The following FANCD2 variants were observed in gnomAD, a reference collection of about 807,000 sequenced individuals.
FANCD2 encodes Fanconi anemia group D2 protein.
In FANCD2, 131 loss-of-function variants were observed where a neutral mutation model predicts 192.3. That is an observed-to-expected ratio of 0.68 (90% confidence interval 0.59 to 0.79). FANCD2 has a LOEUF of 0.79. Ranked by LOEUF, FANCD2 falls within the 30% of genes least tolerant of loss-of-function variation. The probability of loss-of-function intolerance (pLI) is 0.00; values close to 1 mark genes in which losing one functional copy is unlikely to be tolerated. For synonymous variants in FANCD2, 524 were observed against 612.5 expected (o/e 0.86, Z 2.13); for missense variants, 1,508 against 1,701.6 (o/e 0.89, Z 2.00).
chr3:10,076,035 C>CTT (rs138155691), intron 29 of FANCD2, among the ~76,000 whole-genome samples: 5 of 141,682 alleles, frequency 3.5e-5, no homozygotes, highest in Admixed American at 1.4e-4. Context: ...CCAGCCATAT[C>CTT]TTTTTTTTTT....
chr3:10,092,528 C>T (rs976491565), intron 38 of FANCD2, among the ~76,000 whole-genome samples: 1 of 151,416 alleles, frequency 6.6e-6, no homozygotes, highest in African/African-American at 2.4e-5. Context: ...TTCACCTTGC[C>T]TTGGATCCTC....
Position 10,060,293 on chromosome 3 carries a change from G to A in FANCD2, c.1657-1G>A. On this transcript the variant is annotated splice_acceptor_variant, in intron 18 of 43. Transcript: ENST00000675286. LOFTEE classifies it high-confidence loss of function. ...CATCTTTCTTCATCATCTCATTGCA[G>A]GATGACATGCACTTGGTGATAAGAA... is the stretch of plus-strand genomic sequence containing the variant. 4 of 1,602,866 alleles carry A rather than the reference G, an allele frequency of 2.5e-6. No homozygotes were observed. Among genetic ancestry groups the A allele is most frequent in the Non-Finnish European group, 3.4e-6 (4 of 1,171,542 alleles).
chr3:10,090,125 G>A (rs1330141624), intron 36 of FANCD2, among the ~76,000 whole-genome samples, 167 bp from the exon 37 acceptor site: 47 of 152,044 alleles, frequency 3.1e-4, no homozygotes, highest in Admixed American at 3.1e-3. Flanking sequence ...CAATCTTCTT[G>A]GGCTTATTAC....
Position 10,043,164 on chromosome 3 carries a change from C to T in FANCD2, c.989+14C>T. 6.2e-7 allele frequency: 1 copy of T among 1,604,964 alleles called. No individual in the cohort carries two copies. Among genetic ancestry groups the T allele is most frequent in the Non-Finnish European group, 8.5e-7 (1 of 1,171,778 alleles). On this transcript the variant is annotated intron_variant, in intron 12 of 43. Coordinates refer to ENST00000675286, the MANE Select transcript of FANCD2 (RefSeq NM_001018115.3). ...AGGACGAGCAAGGTAAAGAGCTCATCCTCACACAGGATGTCACAATTTTCT... is the reference window on the plus strand; with the variant it reads ...AGGACGAGCAAGGTAAAGAGCTCATTCTCACACAGGATGTCACAATTTTCT...
At chr3:10,037,063 T>C (rs2086750123) in intron 7 of FANCD2, among the ~76,000 whole-genome samples, 1 of 151,802 alleles carries the variant, frequency 6.6e-6, no homozygotes, top group South Asian at 2.1e-4. Flanking sequence ...CAGGCTAGTC[T>C]CAAAACTTCC....
rs1363286877 is a variant in FANCD2 at position 10,081,126 on chromosome 3, C to T, written c.3003C>T (p.Phe1001=). 3.7e-6 allele frequency: 6 copies of T among 1,614,096 alleles called. No homozygotes were observed. In the East Asian group the frequency reaches 1.3e-4, roughly 36 times the overall value. Residue 1001 remains phenylalanine, a synonymous_variant, in exon 31 of 44, where the codon TTC becomes TTT. Transcript: ENST00000675286. ...ACAAAGGAAGCCGGAATATTGGATT[C>T]TCACATCTCCAACAGAGATCTGCCC... is the stretch of plus-strand genomic sequence containing the variant. ...LKNKGSRNIG[F]SHLQQRSAQE...
intron 26 of FANCD2, among the ~76,000 whole-genome samples, chr3:10,067,603 G>A (rs965949787): frequency 5.9e-5 from 9 of 152,188 alleles, no homozygotes; most frequent in African/African-American, 2.2e-4. Flanking sequence ...TTCGAGACCA[G>A]CCTGGCCAAC....
intron 29 of FANCD2, 74 bp downstream of exon 29, chr3:10,074,747 A>G: frequency 7.0e-7 from 1 of 1,418,974 alleles, no homozygotes; most frequent in Non-Finnish European, 9.9e-7. Flanking sequence ...TATTTCACAA[A>G]GAACACTGTG....
Position 10,071,516 on chromosome 3 carries a change from A to G in FANCD2, c.2495-1355A>G, listed in dbSNP as rs550387115. Among the ~76,000 whole-genome samples, 31 of 152,364 alleles carry G rather than the reference A, an allele frequency of 2.0e-4. 1 individual carries two copies. Among genetic ancestry groups the G allele is most frequent in the Admixed American group, 1.4e-3 (21 of 15,302 alleles). ...GAGTACTATTCAGCCATAAAAAACA[A>G]TGAGATCCTGTTGTTTGCAACAATA... On this transcript the variant is annotated intron_variant, in intron 26 of 43. Coordinates refer to ENST00000675286, the MANE Select transcript of FANCD2 (RefSeq NM_001018115.3).
At chr3:10,062,121 ATAAT>A in intron 19 of FANCD2, 26 bp from the exon 20 acceptor site, 1 of 1,546,262 alleles carries the variant, frequency 6.5e-7, no homozygotes, top group Middle Eastern at 1.8e-4. Context: ...AAGTATAATA[ATAAT>A]TTAAAAAAAA....
Position 10,098,764 on chromosome 3 carries a change from TGA to T in FANCD2, c.4234_4235del (p.Ser1412Ter). The T allele has an allele frequency of 6.2e-7, 1 of 1,614,030 alleles. No individual in the cohort carries two copies. Among genetic ancestry groups the T allele is most frequent in the Non-Finnish European group, 8.5e-7 (1 of 1,180,014 alleles). On this transcript the variant is annotated frameshift_variant, in exon 43 of 44. Transcript: ENST00000675286. LOFTEE classifies it high-confidence loss of function. ...AAAATTCCCAGGAGAGCACAGCAGA[TGA>T]GAGTGAGGATGACATGTCATCCCAG... is the stretch of plus-strand genomic sequence containing the variant. Reference protein sequence around the residue: ...SQNSQESTADESEDDMSSQAS... With the variant: ...SQNSQESTADXSEDDMSSQAS...
At chr3:10,041,792 G>A (rs1559374455) in intron 10 of FANCD2, 82 bp downstream of exon 10, 3 of 860,668 alleles carry the variant, frequency 3.5e-6, no homozygotes, top group Non-Finnish European at 5.9e-6. Context: ...TGCCTTGGGA[G>A]TAATGAATAT....
chr3:10,069,800 C>A lies in FANCD2; in HGVS notation c.2494+2483C>A, dbSNP rs1355399721. Among the ~76,000 whole-genome samples, 4 of 152,142 alleles carry A rather than the reference C, an allele frequency of 2.6e-5. No individual in the cohort carries two copies. In the East Asian group the frequency reaches 5.8e-4, roughly 22 times the overall value. ...CCAGGCTGGAGTGCAGTAGCGTGAT[C>A]TCGGCTCGCTACAACCTCCACCTCC... On this transcript the variant is annotated intron_variant, in intron 26 of 43. Coordinates refer to ENST00000675286, the MANE Select transcript of FANCD2 (RefSeq NM_001018115.3).
At chr3:10,060,167 CAAAAA>C in intron 18 of FANCD2, 122 bp from the exon 19 acceptor site, 1 of 545,144 alleles carries the variant, frequency 1.8e-6, no homozygotes, top group East Asian at 3.4e-5. Flanking sequence ...AAGTCCGTCT[CAAAAA>C]AAAAAAAAAA....
chr3:10,042,698 C>G (rs1181632785), intron 11 of FANCD2, 35 bp downstream of exon 11: 2 of 1,522,908 alleles, frequency 1.3e-6, no homozygotes, highest in South Asian at 2.2e-5. Flanking sequence ...CTAGATAAAG[C>G]AACTTAAGTG....
At chr3:10,062,711 G>A (rs2087604733) in intron 20 of FANCD2, among the ~76,000 whole-genome samples, 1 of 152,116 alleles carries the variant, frequency 6.6e-6, no homozygotes, top group South Asian at 2.1e-4. Flanking sequence ...TTATTTTTAT[G>A]TTTATTTATT....
intron 19 of FANCD2, among the ~76,000 whole-genome samples, chr3:10,060,766 C>T (rs1270576996): frequency 1.3e-5 from 2 of 152,156 alleles, no homozygotes; most frequent in African/African-American, 2.4e-5. Context: ...TCATTCCTGT[C>T]GGGAACTTTA....
intron 6 of FANCD2, among the ~76,000 whole-genome samples, chr3:10,035,553 T>TTTTTAGATGCTTA (rs1322505462): frequency 6.6e-6 from 1 of 152,206 alleles, no homozygotes; most frequent in Admixed American, 6.5e-5. Context: ...CCCATTTAGC[T>TTTTTAGATGCTTA]TTTTAGATGC....
intron 1 of FANCD2, among the ~76,000 whole-genome samples, chr3:10,027,849 G>A (rs1462013680): frequency 6.8e-6 from 1 of 147,096 alleles, no homozygotes; most frequent in Non-Finnish European, 1.5e-5. Flanking sequence ...AGCTTGCAGT[G>A]AGCCGAGGCT....
Sources: allele counts gnomAD v4.1 joint callset (sites outside exome capture counted in the v4.1 genomes callset), GRCh38; gene constraint gnomAD v4.1.1; transcripts MANE v1.5; gene names NCBI Gene and HGNC (gene_info 2026-07-23, HGNC 2026-07-21).